The following UNC13C variants were observed in gnomAD, a reference collection of about 807,000 sequenced individuals.
The protein encoded by UNC13C is unc-13 homolog C, also known as protein unc-13 homolog C.
UNC13C carries 174 observed loss-of-function variants against 245.4 expected under a neutral mutation model. That is an observed-to-expected ratio of 0.71 (90% CI 0.63 to 0.80). UNC13C has a LOEUF of 0.80. UNC13C is among the 30% of genes least tolerant of loss of function. The pLI, the probability that UNC13C is intolerant of heterozygous loss-of-function variation, is 0.00. For synonymous variants in UNC13C, 992 were observed against 895.1 expected (o/e 1.11, Z -1.93); for missense variants, 2,829 against 2,602.9 (o/e 1.09, Z -1.89).
At chr15:54,471,448 T>TA (rs1892457305) in intron 19 of UNC13C, among the ~76,000 whole-genome samples, 1 of 151,596 alleles carries the variant, frequency 6.6e-6, no homozygotes, top group Admixed American at 6.6e-5. Context: ...ATCATTTTAT[T>TA]ATGACCTTTG....
chr15:54,489,702 AC>A (rs1238641968), intron 19 of UNC13C, among the ~76,000 whole-genome samples: 2 of 152,148 alleles, frequency 1.3e-5, no homozygotes, highest in Non-Finnish European at 2.9e-5. Flanking sequence ...TAGTTTGGTA[AC>A]CAGTTAGTTA....
chr15:54,408,675 TAA>T (rs144911762), intron 18 of UNC13C, among the ~76,000 whole-genome samples: 1,625 of 152,266 alleles, frequency 0.011, 35 homozygotes, highest in African/African-American at 0.036. Context: ...CAGTAAAAAT[TAA>T]AAGCGTGACT....
At chr15:54,564,090 G>A (rs1000137049) in intron 29 of UNC13C, among the ~76,000 whole-genome samples, 7 of 152,064 alleles carry the variant, frequency 4.6e-5, no homozygotes, top group Non-Finnish European at 7.4e-5. Context: ...AGCCTATGGC[G>A]TATGTTATTT....
intron 4 of UNC13C, among the ~76,000 whole-genome samples, chr15:54,143,994 A>G (rs2032143923): frequency 6.6e-6 from 1 of 152,182 alleles, no homozygotes; most frequent in Admixed American, 6.5e-5. Context: ...ATGAATTCAT[A>G]TTGATACAAT....
chr15:54,394,765 G>A (rs1250779754), intron 18 of UNC13C, among the ~76,000 whole-genome samples: 1 of 151,758 alleles, frequency 6.6e-6, no homozygotes. Flanking sequence ...ATCAGGATTT[G>A]ATCAGTAAAA....
intron 2 of UNC13C, among the ~76,000 whole-genome samples, chr15:54,129,608 A>G (rs1003227266): frequency 7.2e-5 from 11 of 151,988 alleles, no homozygotes; most frequent in Admixed American, 2.0e-4. Context: ...GGTAATTTAT[A>G]TTTTTAAGAA....
chr15:54,587,541 C>T (rs560969675), intron 30 of UNC13C, among the ~76,000 whole-genome samples: 7 of 152,202 alleles, frequency 4.6e-5, no homozygotes, highest in African/African-American at 1.7e-4. Context: ...AGTAAACTCA[C>T]AACTAAGGAG....
At chr15:54,045,961 A>G (rs1566971538) in intron 2 of UNC13C, among the ~76,000 whole-genome samples, 1 of 152,156 alleles carries the variant, frequency 6.6e-6, no homozygotes, top group Non-Finnish European at 1.5e-5. Context: ...TTATTGTAGT[A>G]TCAGTATAGA....
At chr15:53,845,125 ACTAGC>A in the UNC13C span, among the ~76,000 whole-genome samples, 1 of 152,194 alleles carries the variant, frequency 6.6e-6, no homozygotes, top group Middle Eastern at 3.4e-3. Context: ...GGAGTTCGAG[ACTAGC>A]CTGGCCAATA....
At chr15:54,074,546 CT>C (rs1295804858) in intron 2 of UNC13C, among the ~76,000 whole-genome samples, 17 of 152,208 alleles carry the variant, frequency 1.1e-4, no homozygotes, top group Middle Eastern at 3.4e-3. Context: ...GTCCTCCTGT[CT>C]CATTTCATTG....
Position 54,245,925 on chromosome 15 carries a change from A to G in UNC13C, c.3229-4300A>G, listed in dbSNP as rs957389634. Among the ~76,000 whole-genome samples, 5 of 152,152 alleles carry G rather than the reference A, an allele frequency of 3.3e-5. No individual in the cohort carries two copies. The East Asian group carries it at 9.6e-4, about 29-fold the overall frequency. On this transcript the variant is annotated intron_variant, in intron 7 of 32. Coordinates refer to ENST00000260323, the MANE Select transcript of UNC13C (RefSeq NM_001080534.3). ...AGGATGAGGAGGGAAATAGAACTTC[A>G]TAGGTTAGTCACTGGTTAAAACAGA...
At chr15:54,083,022 G>T (rs1899037947) in intron 2 of UNC13C, among the ~76,000 whole-genome samples, 1 of 152,102 alleles carries the variant, frequency 6.6e-6, no homozygotes, top group Non-Finnish European at 1.5e-5. Context: ...TTTTTAATTT[G>T]GTGGTGCAAT....
At chr15:54,201,411 G>A (rs112101171) in intron 4 of UNC13C, among the ~76,000 whole-genome samples, 16 of 151,528 alleles carry the variant, frequency 1.1e-4, no homozygotes, top group African/African-American at 3.1e-4. Context: ...TGCAAAAATC[G>A]TCAACAAAAT....
chr15:54,533,791 G>A (rs1437945534), intron 26 of UNC13C, among the ~76,000 whole-genome samples: 1 of 152,156 alleles, frequency 6.6e-6, no homozygotes, highest in African/African-American at 2.4e-5. Context: ...CAGGGTCAGA[G>A]CACCTACAAT....
At chr15:54,462,601 A>C (rs1176584286) in intron 19 of UNC13C, among the ~76,000 whole-genome samples, 1 of 152,244 alleles carries the variant, frequency 6.6e-6, no homozygotes, top group Non-Finnish European at 1.5e-5. Flanking sequence ...CACCTGGGCC[A>C]GCAGCTGCGG....
chr15:54,052,800 G>A (rs372746065), intron 2 of UNC13C, among the ~76,000 whole-genome samples: 63 of 152,142 alleles, frequency 4.1e-4, no homozygotes, highest in South Asian at 1.5e-3. Flanking sequence ...TTGTCACCTC[G>A]AACAATGTCT....
At chr15:54,440,418 T>G (rs1051678742) in intron 19 of UNC13C, among the ~76,000 whole-genome samples, 2 of 152,122 alleles carry the variant, frequency 1.3e-5, no homozygotes, top group Non-Finnish European at 2.9e-5. Context: ...ACTGTCTTTC[T>G]GTGCCTGGCT....
chr15:54,443,768 G>A (rs866807859), intron 19 of UNC13C, among the ~76,000 whole-genome samples: 2 of 151,138 alleles, frequency 1.3e-5, no homozygotes, highest in Admixed American at 6.6e-5. Flanking sequence ...TGTATGAGAA[G>A]ACACGATGTC....
intron 19 of UNC13C, among the ~76,000 whole-genome samples, chr15:54,448,344 T>C (rs1890953057): frequency 6.6e-6 from 1 of 152,196 alleles, no homozygotes; most frequent in African/African-American, 2.4e-5. Context: ...ACTTTCTGTC[T>C]TGTTGATCTG....
Sources: allele counts gnomAD v4.1 joint callset (sites outside exome capture counted in the v4.1 genomes callset), GRCh38; gene constraint gnomAD v4.1.1; transcripts MANE v1.5; gene names NCBI Gene and HGNC (gene_info 2026-07-23, HGNC 2026-07-21).